CNTN4: variants seen among roughly 807,000 people sequenced by gnomAD.
CNTN4 encodes contactin-4.
Under a neutral mutation model 122.5 loss-of-function variants are expected in CNTN4, and 77 were observed. The observed-to-expected ratio is 0.63, with a 90% CI of 0.52 to 0.76. The LOEUF (loss-of-function observed/expected upper bound fraction) is 0.76, where lower values mean the gene tolerates loss of function less well. CNTN4 is among the 30% of genes least tolerant of loss of function. The pLI is 0.00. For missense variants in CNTN4, 1,256 were observed against 1,259.1 expected (o/e 1.00, Z 0.04); for synonymous variants, 512 against 447.0 (o/e 1.15, Z -1.83).
chr3:2,496,804 A>T (rs71309901), intron 3 of CNTN4, among the ~76,000 whole-genome samples: 16,580 of 152,210 alleles, frequency 0.11, 1,165 homozygotes, highest in Middle Eastern at 0.16. Context: ...CTCCAGAGAA[A>T]CAGACCCAAT....
chr3:2,619,334 C>T (rs1306144721), intron 4 of CNTN4, among the ~76,000 whole-genome samples: 2 of 152,194 alleles, frequency 1.3e-5, no homozygotes, highest in Non-Finnish European at 2.9e-5. Context: ...CAGGCTGGTG[C>T]TGCTTCTAGT....
chr3:2,620,494 T>C (rs1168382868), intron 4 of CNTN4, among the ~76,000 whole-genome samples: 1 of 130,200 alleles, frequency 7.7e-6, no homozygotes, highest in African/African-American at 2.8e-5. Flanking sequence ...AGGGAGACCC[T>C]GTATCCAAAA....
intron 13 of CNTN4, among the ~76,000 whole-genome samples, chr3:2,967,574 A>G (rs1242994990): frequency 6.6e-6 from 1 of 152,166 alleles, no homozygotes; most frequent in Non-Finnish European, 1.5e-5. Flanking sequence ...TTTCCATCCC[A>G]ATGCCCAGGA....
chr3:2,506,191 C>A (rs2076726858), intron 3 of CNTN4, among the ~76,000 whole-genome samples: 1 of 152,126 alleles, frequency 6.6e-6, no homozygotes, highest in Non-Finnish European at 1.5e-5. Context: ...GCTGTGACTC[C>A]TGTCATGTAA....
chr3:2,518,449 T>C (rs2077102746), intron 3 of CNTN4, among the ~76,000 whole-genome samples: 1 of 152,158 alleles, frequency 6.6e-6, no homozygotes, highest in African/African-American at 2.4e-5. Context: ...CAGTCTTCGG[T>C]CGCAAAATAA....
intron 3 of CNTN4, among the ~76,000 whole-genome samples, chr3:2,567,916 T>C (rs951277665): frequency 6.6e-6 from 1 of 152,140 alleles, no homozygotes; most frequent in South Asian, 2.1e-4. Flanking sequence ...ATCTTGTTCT[T>C]AATAAACTTA....
intron 6 of CNTN4, among the ~76,000 whole-genome samples, chr3:2,803,991 C>T (rs2092406521): frequency 1.3e-5 from 2 of 150,828 alleles, no homozygotes; most frequent in African/African-American, 2.4e-5. Flanking sequence ...TAGTACAATT[C>T]CATTTTTATG....
intron 10 of CNTN4, among the ~76,000 whole-genome samples, chr3:2,891,934 C>T (rs755515881): frequency 6.6e-6 from 1 of 152,108 alleles, no homozygotes; most frequent in East Asian, 1.9e-4. Context: ...TGCCAATATC[C>T]AGGTGAGAGA....
chr3:3,012,249 A>G (rs1697302692), intron 14 of CNTN4, among the ~76,000 whole-genome samples: 1 of 151,948 alleles, frequency 6.6e-6, no homozygotes, highest in Non-Finnish European at 1.5e-5. Context: ...AGGTTCTTTT[A>G]CTTAGGATGT....
chr3:2,688,944 C>T (rs908491), intron 4 of CNTN4, among the ~76,000 whole-genome samples: 3,200 of 152,188 alleles, frequency 0.021, 122 homozygotes, highest in African/African-American at 0.073. Context: ...GGAGATACGT[C>T]CTTACAGAGG....
intron 3 of CNTN4, among the ~76,000 whole-genome samples, chr3:2,530,849 T>A (rs981145866): frequency 1.3e-5 from 2 of 152,184 alleles, no homozygotes; most frequent in African/African-American, 4.8e-5. Flanking sequence ...CTGAAATAAT[T>A]TGGAAATAAT....
chr3:2,566,865 T>G (rs2079185528), intron 3 of CNTN4, among the ~76,000 whole-genome samples: 1 of 152,218 alleles, frequency 6.6e-6, no homozygotes, highest in African/African-American at 2.4e-5. Flanking sequence ...TATGAGGCTT[T>G]GAAAAACATA....
intron 23 of CNTN4, among the ~76,000 whole-genome samples, chr3:3,048,211 T>A (rs1293230912): frequency 6.7e-6 from 1 of 149,478 alleles, no homozygotes; most frequent in Non-Finnish European, 1.5e-5. Flanking sequence ...TACTCTCAAA[T>A]GTGGATCAAA....
intron 2 of CNTN4, among the ~76,000 whole-genome samples, chr3:2,208,819 A>G (rs1276187639): frequency 6.6e-6 from 1 of 152,190 alleles, no homozygotes; most frequent in Non-Finnish European, 1.5e-5. Context: ...CAAAGATTAC[A>G]ACTCACTGAA....
chr3:2,791,784 C>T (rs1439943644), intron 6 of CNTN4, among the ~76,000 whole-genome samples: 2 of 152,144 alleles, frequency 1.3e-5, no homozygotes, highest in East Asian at 3.9e-4. Flanking sequence ...AGAATCTTTG[C>T]GTCTTCCACC....
At chr3:2,906,126 T>A (rs972771708) in intron 12 of CNTN4, among the ~76,000 whole-genome samples, 2 of 151,884 alleles carry the variant, frequency 1.3e-5, no homozygotes, top group African/African-American at 4.8e-5. Flanking sequence ...AAGTAGAATC[T>A]GAAAAAGTTT....
chr3:2,587,359 T>C (rs1197501847), intron 4 of CNTN4, among the ~76,000 whole-genome samples: 3 of 152,238 alleles, frequency 2.0e-5, no homozygotes, highest in African/African-American at 7.2e-5. Flanking sequence ...TGTGATATTC[T>C]GTATAGAATT....
At chr3:2,113,182 G>C (rs911788105) in intron 2 of CNTN4, among the ~76,000 whole-genome samples, 3 of 152,092 alleles carry the variant, frequency 2.0e-5, no homozygotes, top group African/African-American at 7.2e-5. Context: ...CGGGTGGAAG[G>C]GCTGTTTCCC....
At chr3:3,005,378 C>G (rs1696513425) in intron 14 of CNTN4, among the ~76,000 whole-genome samples, 1 of 152,180 alleles carries the variant, frequency 6.6e-6, no homozygotes, top group Non-Finnish European at 1.5e-5. Flanking sequence ...TTGCTATAAG[C>G]AGTCAGGAGG....
Sources: gnomAD v4.1 joint callset for allele counts (sites outside exome capture counted in the v4.1 genomes callset) on GRCh38, gnomAD v4.1.1 for gene constraint, MANE v1.5 for transcripts, NCBI Gene and HGNC (gene_info 2026-07-23, HGNC 2026-07-21) for gene names.